KCNMA1: variants seen among roughly 807,000 people sequenced by gnomAD.
KCNMA1 encodes potassium calcium-activated channel subfamily M alpha 1, also known as Calcium-activated potassium channel subunit alpha-1.
KCNMA1 carries 29 observed loss-of-function variants against 140.0 expected under a neutral mutation model. That is an observed-to-expected ratio of 0.21 (90% confidence interval 0.15 to 0.28). The LOEUF (loss-of-function observed/expected upper bound fraction) is 0.28. Ranked by LOEUF, KCNMA1 falls within the 10% of genes least tolerant of loss-of-function variation. KCNMA1 has a pLI of 1.00. For synonymous variants in KCNMA1, 612 were observed against 611.9 expected (o/e 1.00, Z 0.00); for missense variants, 880 against 1,602.2 (o/e 0.55, Z 7.70).
Position 76,885,059 on chromosome 10 carries a change from T to C in KCNMA1, c.*2207A>G. 1 of 1,546,988 alleles carries C rather than the reference T, an allele frequency of 6.5e-7. No homozygotes were observed. Among genetic ancestry groups the C allele is most frequent in the Non-Finnish European group, 8.7e-7 (1 of 1,145,596 alleles). On this transcript the variant is annotated 3_prime_UTR_variant, in exon 28 of 28. Coordinates refer to ENST00000286628, the MANE Select transcript of KCNMA1 (RefSeq NM_001161352.2). ...AAGCTATGTGAGTTTTACAATGCTT[T>C]TAAACTGTCATATTTCCTGTTGAGC...
chr10:77,155,865 G>A (rs954610409), intron 5 of KCNMA1, among the ~76,000 whole-genome samples: 3 of 152,078 alleles, frequency 2.0e-5, no homozygotes, highest in African/African-American at 7.2e-5. Context: ...GGGAAAGGAT[G>A]GGGGAGAAAA....
intron 21 of KCNMA1, 35 bp downstream of exon 21, chr10:76,953,766 A>G: frequency 6.2e-7 from 1 of 1,613,856 alleles, no homozygotes; most frequent in Non-Finnish European, 8.5e-7. Flanking sequence ...TTGGGGCAGA[A>G]GCGGGCAACA....
intron 1 of KCNMA1, among the ~76,000 whole-genome samples, chr10:77,443,505 A>G (rs1246600489): frequency 6.6e-6 from 1 of 151,982 alleles, no homozygotes; most frequent in African/African-American, 2.4e-5. Context: ...CCCCTCATGA[A>G]GTTCAGAGAC....
chr10:76,928,276 C>G (rs183842818), intron 23 of KCNMA1, among the ~76,000 whole-genome samples: 2 of 132,016 alleles, frequency 1.5e-5, no homozygotes, highest in East Asian at 4.0e-4. Flanking sequence ...CACACACACA[C>G]GAACACGCGC....
intron 2 of KCNMA1, among the ~76,000 whole-genome samples, chr10:77,297,080 C>T (rs1289866842): frequency 6.6e-6 from 1 of 152,056 alleles, no homozygotes; most frequent in Non-Finnish European, 1.5e-5. Context: ...TGAGACCACC[C>T]CCGTAACTTG....
intron 25 of KCNMA1, among the ~76,000 whole-genome samples, chr10:76,896,712 A>G (rs2152024761): frequency 6.6e-6 from 1 of 152,188 alleles, no homozygotes; most frequent in South Asian, 2.1e-4. Flanking sequence ...AGAAATAATG[A>G]GTAGATCAGT....
intron 20 of KCNMA1, among the ~76,000 whole-genome samples, chr10:76,958,597 G>A (rs2069425809): frequency 6.6e-6 from 1 of 152,144 alleles, no homozygotes; most frequent in African/African-American, 2.4e-5. Flanking sequence ...TTAGGTCATT[G>A]GGGTGAGTTC....
chr10:76,914,569 A>G (rs779413533), intron 24 of KCNMA1: 8 of 350,572 alleles, frequency 2.3e-5, no homozygotes, highest in Non-Finnish European at 4.3e-5. Context: ...GGAGCTGTCC[A>G]GACAGAATGC....
At chr10:77,144,930 C>T (rs188491504) in intron 5 of KCNMA1, among the ~76,000 whole-genome samples, 2 of 152,264 alleles carry the variant, frequency 1.3e-5, no homozygotes, top group South Asian at 2.1e-4. Flanking sequence ...ACTTCACAGA[C>T]GAACTATCCA....
intron 23 of KCNMA1, among the ~76,000 whole-genome samples, chr10:76,935,986 T>G (rs1017416199): frequency 1.3e-5 from 2 of 152,252 alleles, no homozygotes; most frequent in Non-Finnish European, 2.9e-5. Flanking sequence ...CTGCTGCTGT[T>G]GTTTTTCCTT....
intron 19 of KCNMA1, among the ~76,000 whole-genome samples, chr10:76,977,357 T>C (rs1191796488): frequency 6.6e-6 from 1 of 152,188 alleles, no homozygotes; most frequent in Non-Finnish European, 1.5e-5. Context: ...AATCTAAGAA[T>C]AATAATATTT....
At chr10:77,551,513 C>T (rs971568944) in intron 1 of KCNMA1, among the ~76,000 whole-genome samples, 3 of 152,204 alleles carry the variant, frequency 2.0e-5, no homozygotes, top group African/African-American at 4.8e-5. Context: ...ATCCCTGTGC[C>T]CCACAGTTGA....
chr10:77,204,565 T>A (rs1359864233), intron 3 of KCNMA1, among the ~76,000 whole-genome samples: 1 of 152,106 alleles, frequency 6.6e-6, no homozygotes, highest in South Asian at 2.1e-4. Context: ...CTGTAAACAT[T>A]ATAAAATTAA....
At chr10:77,194,539 G>A (rs960509013) in intron 3 of KCNMA1, among the ~76,000 whole-genome samples, 3 of 152,138 alleles carry the variant, frequency 2.0e-5, no homozygotes, top group African/African-American at 2.4e-5. Context: ...TAAGGATTTG[G>A]AGTACAGAAG....
intron 1 of KCNMA1, among the ~76,000 whole-genome samples, chr10:77,550,692 A>T (rs1567490083): frequency 6.6e-6 from 1 of 152,080 alleles, no homozygotes; most frequent in Admixed American, 6.5e-5. Flanking sequence ...GATTGTGTGT[A>T]CTCCCTCGAA....
chr10:77,479,608 C>T (rs16934873), intron 1 of KCNMA1, among the ~76,000 whole-genome samples: 3,173 of 152,286 alleles, frequency 0.021, 74 homozygotes, highest in African/African-American at 0.049. Context: ...GTCTCTGAGG[C>T]AGGTCTTACT....
intron 5 of KCNMA1, among the ~76,000 whole-genome samples, chr10:77,137,810 C>G (rs2098080179): frequency 6.6e-6 from 1 of 152,122 alleles, no homozygotes; most frequent in Non-Finnish European, 1.5e-5. Flanking sequence ...GAGACAGGGT[C>G]TTACTTTGTC....
At chr10:77,102,280 G>A (rs577367877) in intron 9 of KCNMA1, among the ~76,000 whole-genome samples, 1 of 152,316 alleles carries the variant, frequency 6.6e-6, no homozygotes, top group Admixed American at 6.5e-5. Context: ...AAATCCTTTA[G>A]AAATCAGTCT....
chr10:76,891,398 C>G lies in KCNMA1; in HGVS notation c.3342+127G>C, dbSNP rs2040008046. ...AGTAAACTATAAATAAATATCACCT[C>G]TTACAGTTATCTACAATAGGAAGGA... On this transcript the variant is annotated intron_variant, in intron 26 of 27. Coordinates refer to ENST00000286628, the MANE Select transcript of KCNMA1 (RefSeq NM_001161352.2). The G allele has an allele frequency of 2.3e-5, 17 of 740,586 alleles. 2 individuals carry two copies. Among genetic ancestry groups the G allele is most frequent in the South Asian group, 2.2e-4 (15 of 67,364 alleles). 45.9% of individuals were successfully genotyped at this position (740,586 alleles called of 1,614,324 possible).
Sources: allele counts gnomAD v4.1 joint callset (sites outside exome capture counted in the v4.1 genomes callset), GRCh38; gene constraint gnomAD v4.1.1; transcripts MANE v1.5; gene names NCBI Gene and HGNC (gene_info 2026-07-23, HGNC 2026-07-21).